The following PHLDB3 variants were observed in gnomAD, a reference collection of about 807,000 sequenced individuals.
PHLDB3 encodes pleckstrin homology-like domain family B member 3.
A neutral mutation model predicts 85.7 loss-of-function variants in PHLDB3; 86 were observed. The ratio of observed to expected loss-of-function variants is 1.00; its 90% CI spans 0.84 to 1.20. The LOEUF (loss-of-function observed/expected upper bound fraction) is 1.20. Among genes scored for constraint, PHLDB3 ranks in the 50% most tolerant of loss-of-function variants. The probability of loss-of-function intolerance (pLI) is 0.00; values close to 1 mark genes in which losing one functional copy is unlikely to be tolerated. For missense variants in PHLDB3, 995 were observed against 873.0 expected, an observed-to-expected ratio of 1.14 and a Z score of -1.76; for synonymous variants, 376 against 349.8, an observed-to-expected ratio of 1.07 and a Z score of -0.83.
chr19:43,491,919 A>G (rs1393887180), intron 9 of PHLDB3, among the ~76,000 whole-genome samples: 1 of 139,938 alleles, frequency 7.1e-6, no homozygotes, highest in Non-Finnish European at 1.5e-5. Flanking sequence ...TGCTAGGATT[A>G]CCAGCGTGAG....
chr19:43,488,652 C>T (rs922179123), intron 9 of PHLDB3, among the ~76,000 whole-genome samples: 2 of 151,992 alleles, frequency 1.3e-5, no homozygotes, highest in African/African-American at 2.4e-5. Flanking sequence ...AGAAATTCAG[C>T]GGATGGATAC....
chr19:43,488,299 A>G (rs1433798005), intron 9 of PHLDB3, among the ~76,000 whole-genome samples: 1 of 152,050 alleles, frequency 6.6e-6, no homozygotes, highest in Non-Finnish European at 1.5e-5. Context: ...CTACAAAAAA[A>G]TAGAAAAATT....
At position 43,495,567 on chromosome 19, in the gene PHLDB3, C is replaced by G. The variant is rs759183246; in HGVS notation, c.879G>C (p.Leu293=). Residue 293 remains leucine, a synonymous_variant, in exon 7 of 16, where the codon CTG becomes CTC. Transcript: ENST00000292140. ...IRVLEEQLKS[L]GEQMAAESRG... is the part of the protein sequence containing the mutation. ...GGCTCTCGGCTGCCATCTGCTCCCC[C>G]AGTGACTTGAGCTGCTCTTCCAGGA... The G allele has an allele frequency of 1.9e-6, 3 of 1,610,500 alleles. No individual in the cohort carries two copies. In the South Asian group the frequency reaches 3.3e-5, roughly 18 times the overall value.
At position 43,477,820 on chromosome 19, in the gene PHLDB3, A is replaced by G. The variant is rs547844321; in HGVS notation, c.1788+227T>C. Among the ~76,000 whole-genome samples, 887 of 148,404 alleles carry G rather than the reference A, an allele frequency of 6.0e-3. 24 individuals carry two copies. The highest frequency in any genetic ancestry group is 0.015 in the African/African-American group (553 of 37,986). Reference sequence around the variant, plus strand: ...GAGACTCTGTCTTAAAAAAAAAAAAAAAGAAGAAAATTAACAGTGGCTGAA... The same window carrying G: ...GAGACTCTGTCTTAAAAAAAAAAAAGAAGAAGAAAATTAACAGTGGCTGAA... On this transcript the variant is annotated intron_variant, in intron 15 of 15. Transcript: ENST00000292140.
intron 13 of PHLDB3, among the ~76,000 whole-genome samples, chr19:43,481,112 T>C (rs1039200805): frequency 2.6e-5 from 4 of 152,208 alleles, no homozygotes; most frequent in African/African-American, 7.2e-5. Flanking sequence ...GGAGAGGTTC[T>C]GCATGTCTGA....
intron 9 of PHLDB3, among the ~76,000 whole-genome samples, chr19:43,492,682 G>T (rs1181925518): frequency 1.3e-5 from 2 of 150,934 alleles, no homozygotes; most frequent in Non-Finnish European, 2.9e-5. Flanking sequence ...GAGTACCTGG[G>T]TTCAAATCCC....
intron 4 of PHLDB3, among the ~76,000 whole-genome samples, chr19:43,500,909 A>ACCCCTCC (rs1971574220): frequency 5.8e-5 from 1 of 17,152 alleles, no homozygotes; most frequent in Non-Finnish European, 1.3e-4. Context: ...CGCCCCCCGT[A>ACCCCTCC]CCCCCCCCCC....
chr19:43,479,536 G>C lies in PHLDB3; in HGVS notation c.1543C>G (p.Leu515Val), dbSNP rs752279246. Reference protein sequence around the residue: ...GPRILDLRQHLEGWGHNPENC... With the variant: ...GPRILDLRQHVEGWGHNPENC... ...TCCGGGTTGTGGCCCCATCCCTCCA[G>C]ATGCTGCCGGAGATCCAAGATTCGC... The change falls in exon 14 of 16, where the codon CTG becomes GTG. Residue 515 changes from leucine to valine, a missense_variant. Leu to Val is a conservative substitution (Grantham distance 32). Coordinates refer to ENST00000292140, the MANE Select transcript of PHLDB3 (RefSeq NM_198850.4). 8.7e-6 allele frequency: 12 copies of C among 1,373,530 alleles called. No individual in the cohort carries two copies. Among genetic ancestry groups the C allele is most frequent in the Non-Finnish European group, 8.7e-6 (9 of 1,032,004 alleles). 85.1% of individuals were successfully genotyped at this position (1,373,530 alleles called of 1,614,324 possible).
intron 3 of PHLDB3, 96 bp from the exon 4 acceptor site, chr19:43,501,967 C>T: frequency 2.7e-6 from 4 of 1,485,852 alleles, no homozygotes; most frequent in Non-Finnish European, 3.6e-6. Flanking sequence ...GGATGGACTC[C>T]AGGGACCTGA....
In PHLDB3 at chr19:43,504,053, C is replaced by T. The variant is rs768578135; in HGVS notation, c.66G>A (p.Glu22=). Residue 22 remains glutamate (E), a synonymous_variant, in exon 2 of 16, where the codon GAG becomes GAA. Coordinates refer to ENST00000292140, the MANE Select transcript of PHLDB3 (RefSeq NM_198850.4). ...PPPLVPECDV[E]VQPQGHPEES... ...CCTCGGGATGGCCCTGGGGCTGGAC[C>T]TCCACGTCGCATTCCGGGACCAGCG... 1 of 1,613,750 alleles carries T rather than the reference C, an allele frequency of 6.2e-7. No homozygotes were observed. The highest frequency in any genetic ancestry group is 2.2e-5 in the East Asian group (1 of 44,876).
intron 9 of PHLDB3, among the ~76,000 whole-genome samples, chr19:43,487,574 C>CAAAAAAAAAAAAAAAAAAAAA (rs760708749): frequency 2.3e-4 from 9 of 38,518 alleles, no homozygotes; most frequent in Non-Finnish European, 4.1e-4. Context: ...GACTCTGTCT[C>CAAAAAAAAAAAAAAAAAAAAA]AAAAAAAAAA....
intron 9 of PHLDB3, among the ~76,000 whole-genome samples, chr19:43,490,773 AT>A (rs1971295450): frequency 6.6e-6 from 1 of 152,136 alleles, no homozygotes; most frequent in African/African-American, 2.4e-5. Context: ...CAGGGCACTT[AT>A]GTTGTAGGAA....
chr19:43,485,578 A>G (rs1971137326), intron 13 of PHLDB3, among the ~76,000 whole-genome samples: 1 of 144,540 alleles, frequency 6.9e-6, no homozygotes, highest in Non-Finnish European at 1.5e-5. Flanking sequence ...TTTTTTTGAG[A>G]CAGATTTTCG....
intron 9 of PHLDB3, among the ~76,000 whole-genome samples, chr19:43,488,121 T>C (rs1971226375): frequency 6.6e-6 from 1 of 150,416 alleles, no homozygotes; most frequent in Admixed American, 6.7e-5. Flanking sequence ...GCCACTGAAA[T>C]CCAGGCTGGA....
At chr19:43,480,584 C>T (rs1207841971) in intron 13 of PHLDB3, among the ~76,000 whole-genome samples, 1 of 152,074 alleles carries the variant, frequency 6.6e-6, no homozygotes, top group African/African-American at 2.4e-5. Context: ...TTGAGTGAGA[C>T]CCTGTCTCAA....
intron 13 of PHLDB3, among the ~76,000 whole-genome samples, chr19:43,481,290 T>A (rs553412717): frequency 6.6e-6 from 1 of 152,236 alleles, no homozygotes; most frequent in South Asian, 2.1e-4. Context: ...GAGACCAGCC[T>A]GGGGCAACAT....
chr19:43,487,149 A>G (rs548805339), intron 9 of PHLDB3, 26 bp from the exon 10 acceptor site: 20 of 1,547,692 alleles, frequency 1.3e-5, no homozygotes, highest in Middle Eastern at 1.7e-4. Flanking sequence ...GCTCATGAGC[A>G]TAGGAAAAAG....
chr19:43,495,292 G>T lies in PHLDB3; in HGVS notation c.999C>A (p.Gly333=). ...CCGGGTTGGGCTCAGAGAAGTCCCCGCCAGGTGTTCCCTGAAGGCAATTGA... is the reference window on the plus strand; with the variant it reads ...CCGGGTTGGGCTCAGAGAAGTCCCCTCCAGGTGTTCCCTGAAGGCAATTGA... ...LELNCLQGTP[G]GDFSEPNPAL... is the part of the protein sequence containing the mutation. Residue 333 remains glycine, a synonymous_variant, in exon 8 of 16, where the codon GGC becomes GGA. Coordinates refer to ENST00000292140, the MANE Select transcript of PHLDB3 (RefSeq NM_198850.4). The T allele has an allele frequency of 1.2e-6, 2 of 1,613,808 alleles. No individual in the cohort carries two copies. Among genetic ancestry groups the T allele is most frequent in the Admixed American group, 1.7e-5 (1 of 59,986 alleles).
intron 13 of PHLDB3, among the ~76,000 whole-genome samples, chr19:43,484,199 C>G (rs1038263969): frequency 6.9e-6 from 1 of 144,600 alleles, no homozygotes; most frequent in Non-Finnish European, 1.5e-5. Flanking sequence ...TGCAGTGAGC[C>G]GAGATTGTAA....
Sources: allele counts gnomAD v4.1 joint callset (sites outside exome capture counted in the v4.1 genomes callset), GRCh38; gene constraint gnomAD v4.1.1; transcripts MANE v1.5; gene names NCBI Gene and HGNC (gene_info 2026-07-23, HGNC 2026-07-21).